Variants in NKAIN2 observed in about 807,000 individuals in gnomAD.
NKAIN2 encodes sodium/potassium transporting ATPase interacting 2.
In NKAIN2, 14 loss-of-function variants were observed where a neutral mutation model predicts 32.6. The observed-to-expected ratio is 0.43, with a 90% confidence interval of 0.28 to 0.67. The LOEUF (loss-of-function observed/expected upper bound fraction) is 0.67, where lower values mean the gene tolerates loss of function less well. Among genes scored for constraint, NKAIN2 ranks in the 30% least tolerant of loss-of-function variants. The pLI is 0.17. For synonymous variants in NKAIN2, 80 were observed against 87.2 expected (o/e 0.92, Z 0.46); for missense variants, 198 against 258.3 (o/e 0.77, Z 1.60).
intron 1 of NKAIN2, among the ~76,000 whole-genome samples, chr6:124,162,874 G>A (rs1729455891): frequency 6.6e-6 from 1 of 151,994 alleles, no homozygotes. Flanking sequence ...GTCTTCTTAG[G>A]CAAAGTTCTA....
At chr6:124,364,045 G>T (rs1231084864) in intron 3 of NKAIN2, among the ~76,000 whole-genome samples, 1 of 151,740 alleles carries the variant, frequency 6.6e-6, no homozygotes, top group Non-Finnish European at 1.5e-5. Context: ...AAATAATTTA[G>T]CCCCAGAGAA....
At chr6:124,620,461 C>G (rs1783065615) in intron 3 of NKAIN2, among the ~76,000 whole-genome samples, 2 of 152,154 alleles carry the variant, frequency 1.3e-5, no homozygotes, top group Non-Finnish European at 2.9e-5. Context: ...TTTTATGACT[C>G]TAGATACAAT....
At chr6:124,305,826 T>C (rs963640549) in intron 2 of NKAIN2, among the ~76,000 whole-genome samples, 9 of 152,184 alleles carry the variant, frequency 5.9e-5, no homozygotes, top group African/African-American at 1.9e-4. Flanking sequence ...AGCAACCTCC[T>C]GGCCCTGCTG....
At chr6:124,020,882 A>G (rs537205301) in intron 1 of NKAIN2, among the ~76,000 whole-genome samples, 90 of 152,272 alleles carry the variant, frequency 5.9e-4, no homozygotes, top group African/African-American at 2.1e-3. Flanking sequence ...TGATCAAGAT[A>G]TCTCAATTTG....
intron 3 of NKAIN2, among the ~76,000 whole-genome samples, chr6:124,573,662 G>A (rs549364008): frequency 5.9e-5 from 9 of 151,910 alleles, no homozygotes; most frequent in East Asian, 5.8e-4. Flanking sequence ...ATAATGTAGC[G>A]CAGCCCCCAC....
At chr6:123,899,480 A>G (rs1041922168) in intron 1 of NKAIN2, among the ~76,000 whole-genome samples, 1 of 151,944 alleles carries the variant, frequency 6.6e-6, no homozygotes, top group Middle Eastern at 3.2e-3. Context: ...GATGCTATTT[A>G]TTTTAACTTA....
At chr6:124,533,345 C>A (rs1779595973) in intron 3 of NKAIN2, among the ~76,000 whole-genome samples, 1 of 151,276 alleles carries the variant, frequency 6.6e-6, no homozygotes, top group South Asian at 2.1e-4. Context: ...GGTGGTGGGC[C>A]CCTGTAGTCC....
At chr6:124,740,201 A>G (rs1455033310) in intron 4 of NKAIN2, among the ~76,000 whole-genome samples, 2 of 151,450 alleles carry the variant, frequency 1.3e-5, no homozygotes, top group African/African-American at 2.4e-5. Flanking sequence ...TTAACTAGGG[A>G]AGGAATTCTA....
chr6:124,511,198 AT>A (rs1227801860), intron 3 of NKAIN2, among the ~76,000 whole-genome samples: 6 of 152,192 alleles, frequency 3.9e-5, no homozygotes, highest in African/African-American at 1.4e-4. Flanking sequence ...TAATCTGCAA[AT>A]TTATATCTAT....
chr6:124,147,171 G>T (rs1371618865), intron 1 of NKAIN2, among the ~76,000 whole-genome samples: 6 of 152,126 alleles, frequency 3.9e-5, no homozygotes, highest in Non-Finnish European at 8.8e-5. Flanking sequence ...ACAGCATGGG[G>T]CATGCTGCGG....
intron 1 of NKAIN2, among the ~76,000 whole-genome samples, chr6:123,917,034 C>T (rs12192551): frequency 0.27 from 40,336 of 152,054 alleles, 6,764 homozygotes; most frequent in East Asian, 0.52. Flanking sequence ...TAACATCCTG[C>T]TGTGTGTGAA....
At chr6:124,803,448 C>G (rs1256860664) in intron 5 of NKAIN2, among the ~76,000 whole-genome samples, 1 of 152,212 alleles carries the variant, frequency 6.6e-6, no homozygotes, top group Non-Finnish European at 1.5e-5. Context: ...GTGGCAAAGC[C>G]TCATAGACCA....
chr6:124,600,438 A>T (rs1427376716), intron 3 of NKAIN2, among the ~76,000 whole-genome samples: 1 of 152,088 alleles, frequency 6.6e-6, no homozygotes, highest in Non-Finnish European at 1.5e-5. Flanking sequence ...ATCGTATGAA[A>T]CATTTTATGT....
intron 4 of NKAIN2, among the ~76,000 whole-genome samples, chr6:124,731,025 C>G (rs1034419131): frequency 4.8e-5 from 7 of 145,438 alleles, no homozygotes; most frequent in African/African-American, 1.8e-4. Context: ...CATCTCACAC[C>G]AGGTAGAATG....
At chr6:124,120,574 A>G (rs1053231009) in intron 1 of NKAIN2, among the ~76,000 whole-genome samples, 1 of 152,212 alleles carries the variant, frequency 6.6e-6, no homozygotes, top group Non-Finnish European at 1.5e-5. Context: ...GGCAAGTAAG[A>G]CAACTAAAGT....
chr6:124,425,268 T>C (rs771405822), intron 3 of NKAIN2, among the ~76,000 whole-genome samples: 2 of 152,038 alleles, frequency 1.3e-5, no homozygotes, highest in Non-Finnish European at 2.9e-5. Flanking sequence ...GATATCCACA[T>C]GCAGGAAATG....
chr6:124,228,784 G>A (rs768447126), intron 1 of NKAIN2, among the ~76,000 whole-genome samples: 1 of 152,118 alleles, frequency 6.6e-6, no homozygotes, highest in African/African-American at 2.4e-5. Context: ...AATTTTTAAT[G>A]TAAAATGAAA....
chr6:124,216,834 A>C (rs1170111950), intron 1 of NKAIN2, among the ~76,000 whole-genome samples: 1 of 152,194 alleles, frequency 6.6e-6, no homozygotes, highest in East Asian at 1.9e-4. Flanking sequence ...ACAGAAACCT[A>C]ACCCTATATT....
chr6:123,891,533 C>T (rs1281191668), intron 1 of NKAIN2, among the ~76,000 whole-genome samples: 2 of 152,122 alleles, frequency 1.3e-5, no homozygotes, highest in Admixed American at 6.6e-5. Flanking sequence ...TTCAGCAATA[C>T]TTAGTGCTCT....
Sources: allele counts gnomAD v4.1 joint callset (sites outside exome capture counted in the v4.1 genomes callset), GRCh38; gene constraint gnomAD v4.1.1; transcripts MANE v1.5; gene names NCBI Gene and HGNC (gene_info 2026-07-23, HGNC 2026-07-21).